TEX14: variants seen among roughly 807,000 people sequenced by gnomAD.
The protein encoded by TEX14 is testis expressed 14, intercellular bridge forming factor.
TEX14 carries 168 observed loss-of-function variants against 178.6 expected under a neutral mutation model. The ratio of observed to expected loss-of-function variants is 0.94; its 90% CI spans 0.83 to 1.07. The LOEUF (loss-of-function observed/expected upper bound fraction) is 1.07. Among genes scored for constraint, TEX14 ranks in the 50% least tolerant of loss-of-function variants. The pLI, the probability that TEX14 is intolerant of heterozygous loss-of-function variation, is 0.00. For synonymous variants in TEX14, 626 were observed against 634.1 expected (o/e 0.99, Z 0.19); for missense variants, 1,730 against 1,753.6 (o/e 0.99, Z 0.24).
At chr17:58,593,239 T>C (rs2045200154) in intron 15 of TEX14, among the ~76,000 whole-genome samples, 1 of 152,158 alleles carries the variant, frequency 6.6e-6, no homozygotes, top group African/African-American at 2.4e-5. Flanking sequence ...GGAGCACTGG[T>C]AAATGGAATA....
chr17:58,659,759 T>G (rs1046355742), intron 1 of TEX14, among the ~76,000 whole-genome samples: 1 of 152,124 alleles, frequency 6.6e-6, no homozygotes, highest in Non-Finnish European at 1.5e-5. Flanking sequence ...TTCAATGGCG[T>G]GATCTCGGCT....
chr17:58,646,211 G>C (rs558280043), intron 2 of TEX14, among the ~76,000 whole-genome samples: 139 of 152,272 alleles, frequency 9.1e-4, no homozygotes, highest in African/African-American at 3.2e-3. Flanking sequence ...AGTTAAAATG[G>C]AATTCTAAAA....
intron 2 of TEX14, among the ~76,000 whole-genome samples, chr17:58,634,190 A>G (rs2046383679): frequency 6.6e-6 from 1 of 152,040 alleles, no homozygotes. Flanking sequence ...AGGTGGGTGG[A>G]TCACTTGAGG....
Position 58,577,394 on chromosome 17 carries a change from G to A in TEX14, c.3301C>T (p.Gln1101Ter). Residue 1101 changes from glutamine to a stop codon, truncating the protein, a stop_gained, in exon 21 of 32, where the codon CAA (glutamine) becomes TAA (stop). Transcript: ENST00000349033. LOFTEE classifies it high-confidence loss of function. ...CCATACCTTCGTACAGGTTGAAATT[G>A]AGACCTGGGCAAAATCTCAGCATTC... ...GKNAEILPRS[Q>*]FQPVRSTEDE... 2 of 1,494,070 alleles carry A rather than the reference G, an allele frequency of 1.3e-6. No homozygotes were observed. Among genetic ancestry groups the A allele is most frequent in the Non-Finnish European group, 1.8e-6 (2 of 1,112,858 alleles). The allele number at this position is 1,494,070 out of a possible 1,614,324, so 92.6% of individuals were successfully genotyped here.
At chr17:58,647,511 G>A (rs1598415637) in intron 2 of TEX14, among the ~76,000 whole-genome samples, 1 of 150,596 alleles carries the variant, frequency 6.6e-6, no homozygotes, top group Non-Finnish European at 1.5e-5. Flanking sequence ...CAGCCTGGGC[G>A]ACTGAGCGAG....
rs538491548 is a variant in TEX14 at position 58,633,033 on chromosome 17, G to A, written c.137-2479C>T. ...GCACTTAAAAGGCCCTGTATGGTCT[G>A]GCCCCTCTCTCGAGTCCATCTCTCA... On this transcript the variant is annotated intron_variant, in intron 2 of 31. Coordinates refer to ENST00000349033, the MANE Select transcript of TEX14 (RefSeq NM_031272.5). Among the ~76,000 whole-genome samples the A allele has an allele frequency of 9.2e-5, 14 of 152,274 alleles. 1 individual carries two copies. The highest frequency in any genetic ancestry group is 3.4e-4 in the African/African-American group (14 of 41,560).
chr17:58,578,871 G>C (rs146226019), intron 20 of TEX14, among the ~76,000 whole-genome samples: 1 of 152,210 alleles, frequency 6.6e-6, no homozygotes, highest in African/African-American at 2.4e-5. Context: ...AGTATGCAGT[G>C]GAAGAAGGGA....
chr17:58,582,649 C>T (rs776177052), intron 19 of TEX14, among the ~76,000 whole-genome samples: 35 of 150,452 alleles, frequency 2.3e-4, no homozygotes, highest in South Asian at 6.4e-4. Context: ...CTGCAGCCTC[C>T]GCCTCTGGGG....
chr17:58,643,716 A>T (rs142862405), intron 2 of TEX14, among the ~76,000 whole-genome samples: 27 of 151,684 alleles, frequency 1.8e-4, no homozygotes, highest in Non-Finnish European at 3.4e-4. Flanking sequence ...CTAAAAAAAC[A>T]CAAAAATTAG....
At chr17:58,652,561 A>T (rs889688392) in intron 1 of TEX14, among the ~76,000 whole-genome samples, 14 of 152,168 alleles carry the variant, frequency 9.2e-5, no homozygotes, top group Admixed American at 2.6e-4. Context: ...TGAGTCAATT[A>T]CACCTCTTTC....
rs182400967 is a variant in TEX14, at chr17:58,650,603, G to A, written c.136+1263C>T. 6.1e-4 allele frequency among the ~76,000 whole-genome samples: 93 copies of A among 152,114 alleles called. 1 individual carries two copies. The highest frequency in any genetic ancestry group is 4.0e-4 in the Non-Finnish European group (27 of 67,992). On this transcript the variant is annotated intron_variant, in intron 2 of 31. Coordinates refer to ENST00000349033, the MANE Select transcript of TEX14 (RefSeq NM_031272.5). ...GGACTATAGGCATGCGCTACCATGC[G>A]TGTAGTGCCAACTAGTGATTTCTTT...
chr17:58,591,105 C>T (rs893875323), intron 15 of TEX14, among the ~76,000 whole-genome samples: 1 of 152,068 alleles, frequency 6.6e-6, no homozygotes, highest in Non-Finnish European at 1.5e-5. Context: ...ATGGGTTTTT[C>T]TTTGTCATCT....
chr17:58,590,968 T>C (rs1014365215), intron 15 of TEX14, among the ~76,000 whole-genome samples: 10 of 152,054 alleles, frequency 6.6e-5, no homozygotes, highest in African/African-American at 2.2e-4. Flanking sequence ...CATATCGTAA[T>C]TGTCACTTTT....
intron 11 of TEX14, among the ~76,000 whole-genome samples, chr17:58,603,887 C>CTG (rs71143257): frequency 0.048 from 5,077 of 105,120 alleles, 143 homozygotes; most frequent in East Asian, 0.078. Context: ...TGTGATTTTA[C>CTG]TGTGTGTGTG....
chr17:58,683,896 C>T (rs1026575739), intron 1 of TEX14, among the ~76,000 whole-genome samples: 11 of 151,258 alleles, frequency 7.3e-5, no homozygotes, highest in Admixed American at 6.6e-4. Context: ...GAAACCCCAT[C>T]TCTACTAAAA....
chr17:58,582,633 G>A (rs1158917962), intron 19 of TEX14, among the ~76,000 whole-genome samples: 1 of 145,974 alleles, frequency 6.9e-6, no homozygotes, highest in East Asian at 2.0e-4. Context: ...GCATGATCTC[G>A]GCTCACTGCA....
Position 58,605,116 on chromosome 17 carries a change from C to T in TEX14, c.1198G>A (p.Val400Ile), listed in dbSNP as rs368207453. 6 of 1,613,992 alleles carry T rather than the reference C, an allele frequency of 3.7e-6. No individual in the cohort carries two copies. The African/African-American group carries it at 4.0e-5, about 11-fold the overall frequency. Residue 400 changes from valine to isoleucine, a missense_variant, in exon 11 of 32, where the codon GTA (valine) becomes ATA (isoleucine). By Grantham distance (29) the Val-to-Ile change is conservative. Transcript: ENST00000349033. ...GGCACTCGAGTCAGGTCCCTCTGTACACCTCTGTCCTCGCTACGGAAGGAA... is the reference window on the plus strand; with the variant it reads ...GGCACTCGAGTCAGGTCCCTCTGTATACCTCTGTCCTCGCTACGGAAGGAA... ...EYMLESEDRG[V>I]QRDLTRVPLP...
chr17:58,691,152 G>A (rs1310934075), intron 1 of TEX14, among the ~76,000 whole-genome samples: 1 of 151,904 alleles, frequency 6.6e-6, no homozygotes, highest in African/African-American at 2.4e-5. Context: ...CACTGCGCCC[G>A]GCCAGCTTTT....
chr17:58,660,567 T>G, intron 1 of TEX14: 1 of 786,350 alleles, frequency 1.3e-6, no homozygotes, highest in Non-Finnish European at 2.3e-6. Flanking sequence ...CCTGCGGTGT[T>G]GTGGGAAGAT....
Sources: allele counts gnomAD v4.1 joint callset (sites outside exome capture counted in the v4.1 genomes callset), GRCh38; gene constraint gnomAD v4.1.1; transcripts MANE v1.5; gene names NCBI Gene and HGNC (gene_info 2026-07-23, HGNC 2026-07-21).